MYO16: variants seen among roughly 807,000 people sequenced by gnomAD.
The protein encoded by MYO16 is unconventional myosin-XVI.
MYO16 carries 94 observed loss-of-function variants against 205.3 expected under a neutral mutation model. That is an observed-to-expected ratio of 0.46 (90% CI 0.39 to 0.54). MYO16 has a LOEUF of 0.54. MYO16 is among the 20% of genes least tolerant of loss of function. The probability of loss-of-function intolerance (pLI) is 0.00; values close to 1 mark genes in which losing one functional copy is unlikely to be tolerated. For synonymous variants in MYO16, 988 were observed against 954.0 expected (o/e 1.04, Z -0.66); for missense variants, 2,315 against 2,387.5 (o/e 0.97, Z 0.63).
chr13:109,073,019 C>G, intron 27 of MYO16, among the ~76,000 whole-genome samples: 1 of 151,978 alleles, frequency 6.6e-6, no homozygotes, highest in East Asian at 1.9e-4. Flanking sequence ...ATATTCAAAT[C>G]CATTATTTTA....
intron 33 of MYO16, among the ~76,000 whole-genome samples, chr13:109,168,640 G>C (rs1029035813): frequency 2.0e-5 from 3 of 152,110 alleles, no homozygotes; most frequent in African/African-American, 7.2e-5. Context: ...TAGGAGAATT[G>C]CTTGAACCCA....
rs200078312 is a variant in MYO16 at position 108,679,721 on chromosome 13, AAT to A, written c.292+13574_292+13575del. 8.4e-4 allele frequency among the ~76,000 whole-genome samples: 121 copies of A among 144,130 alleles called. 2 individuals are homozygous for A. The East Asian group carries it at 0.016, about 19-fold the overall frequency. 94.6% of individuals were successfully genotyped at this position (144,130 alleles called of 152,430 possible). Reference sequence around the variant, plus strand: ...CTGTTCTTGGTTCTGCAAAAAAAAAAATAATAATAATAATAATAATAAATAAA... The same window carrying A: ...CTGTTCTTGGTTCTGCAAAAAAAAAAAATAATAATAATAATAATAAATAAA... On this transcript the variant is annotated intron_variant, in intron 2 of 34. Transcript: ENST00000457511.
At chr13:108,736,495 G>T (rs1884705319) in intron 4 of MYO16, among the ~76,000 whole-genome samples, 1 of 152,044 alleles carries the variant, frequency 6.6e-6, no homozygotes, top group African/African-American at 2.4e-5. Flanking sequence ...TCGTTCCATT[G>T]GTCTATATCT....
At chr13:108,799,444 T>A (rs1018668656) in intron 6 of MYO16, among the ~76,000 whole-genome samples, 4 of 152,324 alleles carry the variant, frequency 2.6e-5, no homozygotes, top group Admixed American at 1.3e-4. Flanking sequence ...AAGCAACAGA[T>A]CTAGTAATTA....
At chr13:108,619,623 G>A (rs980033532) in intron 1 of MYO16, among the ~76,000 whole-genome samples, 9 of 152,116 alleles carry the variant, frequency 5.9e-5, no homozygotes, top group Admixed American at 2.6e-4. Flanking sequence ...GTATCACAGC[G>A]ATACATCAGT....
intron 27 of MYO16, among the ~76,000 whole-genome samples, chr13:109,084,866 C>A (rs963448901): frequency 5.3e-5 from 8 of 151,980 alleles, no homozygotes; most frequent in African/African-American, 1.9e-4. Context: ...CCAGAGAAAA[C>A]AGAAAAATGA....
At position 109,033,394 on chromosome 13, in the gene MYO16, T is replaced by C. The variant is rs1334666126; in HGVS notation, c.2796+13483T>C. On this transcript the variant is annotated intron_variant, in intron 23 of 34. Coordinates refer to ENST00000457511, the MANE Select transcript of MYO16 (RefSeq NM_001198950.3). The stretch of plus-strand genomic sequence containing the variant: ...ATCTGTCAGACTTCGTCGTCCCACA[T>C]TATTCTCTTTGCTTTCCTTTATACC... Among the ~76,000 whole-genome samples, 4 of 152,322 alleles carry C rather than the reference T, an allele frequency of 2.6e-5. No individual in the cohort carries two copies. The East Asian group carries it at 7.7e-4, about 29-fold the overall frequency.
chr13:108,562,789 C>A, the MYO16 span, among the ~76,000 whole-genome samples: 1 of 152,234 alleles, frequency 6.6e-6, no homozygotes, highest in East Asian at 1.9e-4. Context: ...AGGTTTGTAG[C>A]CTAGGAGCAA....
At chr13:108,571,265 AGAGGATGGCTCAGGACT>A in the MYO16 span, among the ~76,000 whole-genome samples, 1 of 151,908 alleles carries the variant, frequency 6.6e-6, no homozygotes, top group African/African-American at 2.4e-5. Context: ...AGCAGGGATC[AGAGGATGGCTCAGGACT>A]GAGGATTAGC....
intron 27 of MYO16, among the ~76,000 whole-genome samples, chr13:109,062,994 AT>A (rs1887637221): frequency 6.6e-6 from 1 of 152,202 alleles, no homozygotes; most frequent in South Asian, 2.1e-4. Context: ...AAAGAATATG[AT>A]TACCACAAAA....
chr13:108,714,170 C>G (rs957372114), intron 3 of MYO16, among the ~76,000 whole-genome samples: 1 of 152,170 alleles, frequency 6.6e-6, no homozygotes, highest in Non-Finnish European at 1.5e-5. Flanking sequence ...ATTCTCCTGC[C>G]TCAGCCGCCT....
chr13:108,502,426 T>G, the MYO16 span, among the ~76,000 whole-genome samples: 1 of 152,212 alleles, frequency 6.6e-6, no homozygotes, highest in Non-Finnish European at 1.5e-5. Context: ...ATTCTGGGTA[T>G]TTTTGGTTAA....
chr13:108,811,545 T>TA (rs5806755), intron 7 of MYO16, among the ~76,000 whole-genome samples: 123,976 of 145,352 alleles, frequency 0.85, 55,695 homozygotes, highest in Non-Finnish European at 0.99. Flanking sequence ...ACCACCTGTT[T>TA]AAAAAAAAAA....
chr13:108,838,594 G>A (rs1877056929), intron 9 of MYO16, among the ~76,000 whole-genome samples: 2 of 150,764 alleles, frequency 1.3e-5, no homozygotes, highest in South Asian at 4.2e-4. Context: ...CTTGAACCTG[G>A]GAGGCAGAGG....
intron 28 of MYO16, among the ~76,000 whole-genome samples, chr13:109,109,727 C>T (rs946043316): frequency 1.3e-5 from 2 of 150,764 alleles, no homozygotes; most frequent in African/African-American, 4.8e-5. Context: ...GAACTTGCTC[C>T]ATAAAATATG....
At chr13:108,632,575 C>T (rs898409747) in intron 1 of MYO16, among the ~76,000 whole-genome samples, 2 of 152,160 alleles carry the variant, frequency 1.3e-5, no homozygotes, top group Non-Finnish European at 2.9e-5. Flanking sequence ...CAGTTGTTAT[C>T]TCCAGTTTAT....
At chr13:108,938,017 A>G (rs1882566919) in intron 16 of MYO16, among the ~76,000 whole-genome samples, 1 of 151,914 alleles carries the variant, frequency 6.6e-6, no homozygotes, top group South Asian at 2.1e-4. Flanking sequence ...GGCACTTCTA[A>G]TTTTTGTAAT....
At chr13:108,986,682 T>G (rs1173680373) in intron 20 of MYO16, among the ~76,000 whole-genome samples, 1 of 152,032 alleles carries the variant, frequency 6.6e-6, no homozygotes, top group African/African-American at 2.4e-5. Flanking sequence ...GAGTGTGGCT[T>G]TCACTAATAT....
intron 1 of MYO16, among the ~76,000 whole-genome samples, chr13:108,641,395 C>A (rs1392373884): frequency 1.3e-5 from 2 of 152,128 alleles, no homozygotes; most frequent in Non-Finnish European, 2.9e-5. Context: ...GAAAGGCAGG[C>A]ACAAATTAAC....
Sources: allele counts gnomAD v4.1 joint callset (sites outside exome capture counted in the v4.1 genomes callset), GRCh38; gene constraint gnomAD v4.1.1; transcripts MANE v1.5; gene names NCBI Gene and HGNC (gene_info 2026-07-23, HGNC 2026-07-21).